CHCHD6: variants seen among roughly 807,000 people sequenced by gnomAD.
CHCHD6 encodes MICOS complex subunit MIC25.
A neutral mutation model predicts 32.3 loss-of-function variants in CHCHD6; 28 were observed. The ratio of observed to expected loss-of-function variants is 0.87; its 90% CI spans 0.64 to 1.19. The LOEUF (loss-of-function observed/expected upper bound fraction) is 1.19. Ranked by LOEUF, CHCHD6 falls within the 50% of genes most tolerant of loss-of-function variation. The pLI is 0.00. For synonymous variants in CHCHD6, 122 were observed against 117.5 expected (o/e 1.04, Z -0.25); for missense variants, 333 against 307.0 (o/e 1.08, Z -0.63).
chr3:126,834,803 G>A (rs1940788205), intron 4 of CHCHD6, among the ~76,000 whole-genome samples: 1 of 152,182 alleles, frequency 6.6e-6, no homozygotes, highest in Non-Finnish European at 1.5e-5. Flanking sequence ...TCCAACACGG[G>A]ATTTAATAGG....
intron 6 of CHCHD6, among the ~76,000 whole-genome samples, chr3:126,923,166 G>C (rs2078277500): frequency 6.6e-6 from 1 of 152,178 alleles, no homozygotes; most frequent in South Asian, 2.1e-4. Context: ...TGACATCCCT[G>C]GGCCAGATGA....
intron 1 of CHCHD6, among the ~76,000 whole-genome samples, chr3:126,721,442 G>A (rs1487914009): frequency 6.6e-6 from 1 of 152,126 alleles, no homozygotes; most frequent in Non-Finnish European, 1.5e-5. Flanking sequence ...CTAAGTCTGC[G>A]CCTGCCTTAG....
chr3:126,864,700 AT>A, intron 5 of CHCHD6, among the ~76,000 whole-genome samples: 1 of 126,446 alleles, frequency 7.9e-6, no homozygotes, highest in Non-Finnish European at 1.7e-5. Context: ...CTCCACCATC[AT>A]CTCCTCTTCC....
At chr3:126,915,893 T>A (rs985366754) in intron 6 of CHCHD6, among the ~76,000 whole-genome samples, 1 of 152,056 alleles carries the variant, frequency 6.6e-6, no homozygotes, top group Non-Finnish European at 1.5e-5. Context: ...TGGGCTTAGG[T>A]GATCCTCCTA....
intron 4 of CHCHD6, among the ~76,000 whole-genome samples, chr3:126,777,001 G>A (rs975026672): frequency 2.0e-5 from 3 of 152,010 alleles, no homozygotes; most frequent in Admixed American, 6.6e-5. Flanking sequence ...CCTCCCTGCC[G>A]CTCTATGCCT....
At chr3:126,865,187 T>TTTTCC (rs1559891234) in intron 5 of CHCHD6, among the ~76,000 whole-genome samples, 28 of 41,922 alleles carry the variant, frequency 6.7e-4, no homozygotes, top group Non-Finnish European at 1.5e-3. Flanking sequence ...CCTCCTCCAC[T>TTTTCC]ACCACCTCCA....
intron 5 of CHCHD6, among the ~76,000 whole-genome samples, chr3:126,902,363 G>C (rs2077940532): frequency 6.6e-6 from 1 of 152,172 alleles, no homozygotes; most frequent in African/African-American, 2.4e-5. Context: ...ATATATGAAG[G>C]ATAAAAGGAC....
rs2078344917 is a variant in CHCHD6, at chr3:126,927,706, C to A, written c.566+12956C>A. 2.0e-5 allele frequency among the ~76,000 whole-genome samples: 3 copies of A among 152,160 alleles called. No homozygotes were observed. The South Asian group carries it at 6.2e-4, about 32-fold the overall frequency. On this transcript the variant is annotated intron_variant, in intron 6 of 7. Transcript: ENST00000290913. ...TTCTCCTTTGTGTCACTTTTGTTTT[C>A]TTTTGAGTGTTACATTTAGATTAGC...
At chr3:126,865,227 A>C (rs1576524323) in intron 5 of CHCHD6, among the ~76,000 whole-genome samples, 1 of 135,728 alleles carries the variant, frequency 7.4e-6, no homozygotes, top group Non-Finnish European at 1.6e-5. Context: ...CTCCACCACC[A>C]CCTCCATTTC....
At chr3:126,815,703 C>T (rs1939867332) in intron 4 of CHCHD6, among the ~76,000 whole-genome samples, 1 of 151,224 alleles carries the variant, frequency 6.6e-6, no homozygotes, top group Non-Finnish European at 1.5e-5. Flanking sequence ...CTACCTACCA[C>T]CAGAATTATC....
rs144781819 is a variant in CHCHD6, at chr3:126,768,528, A to G, written c.411+35306A>G. Among the ~76,000 whole-genome samples the G allele has an allele frequency of 2.9e-3, 443 of 152,334 alleles. 2 individuals carry two copies. The highest frequency in any genetic ancestry group is 0.01 in the African/African-American group (424 of 41,574). Reference sequence around the variant, plus strand: ...TAGCTGTGCAAGAACGGACTAATACAATATGCATGTGTGTGTCTTTATGGC... The same window carrying G: ...TAGCTGTGCAAGAACGGACTAATACGATATGCATGTGTGTGTCTTTATGGC... On this transcript the variant is annotated intron_variant, in intron 4 of 7. Transcript: ENST00000290913.
At chr3:126,910,880 C>G (rs9856844) in intron 5 of CHCHD6, among the ~76,000 whole-genome samples, 18,352 of 152,072 alleles carry the variant, frequency 0.12, 1,267 homozygotes, top group South Asian at 0.28. Context: ...TGTGTGCTCA[C>G]TCACACATGT....
At chr3:126,939,811 T>A (rs945808155) in intron 6 of CHCHD6, among the ~76,000 whole-genome samples, 4 of 152,202 alleles carry the variant, frequency 2.6e-5, no homozygotes, top group African/African-American at 9.7e-5. Context: ...TATTCTCCCC[T>A]TCTCAGTCAA....
chr3:126,868,981 C>T (rs949866722), intron 5 of CHCHD6, among the ~76,000 whole-genome samples: 1 of 152,200 alleles, frequency 6.6e-6, no homozygotes. Flanking sequence ...GTCTCATGAG[C>T]TTTCATCAGC....
At chr3:126,876,375 G>A (rs1392956753) in intron 5 of CHCHD6, among the ~76,000 whole-genome samples, 1 of 152,218 alleles carries the variant, frequency 6.6e-6, no homozygotes, top group African/African-American at 2.4e-5. Flanking sequence ...GAAGAAACGG[G>A]CCTCCATTGC....
chr3:126,729,090 A>G (rs1420466479), intron 2 of CHCHD6, among the ~76,000 whole-genome samples: 1 of 152,250 alleles, frequency 6.6e-6, no homozygotes, highest in Non-Finnish European at 1.5e-5. Context: ...AGTACAATAG[A>G]AGATAGATTT....
At chr3:126,743,104 G>A (rs1936347722) in intron 4 of CHCHD6, among the ~76,000 whole-genome samples, 1 of 152,122 alleles carries the variant, frequency 6.6e-6, no homozygotes, top group African/African-American at 2.4e-5. Flanking sequence ...TGAACCCTAT[G>A]GGGAGCTTGT....
chr3:126,867,019 A>G (rs1304351503), intron 5 of CHCHD6, among the ~76,000 whole-genome samples: 3 of 152,178 alleles, frequency 2.0e-5, no homozygotes, highest in Non-Finnish European at 4.4e-5. Context: ...GTTCTTAGGC[A>G]TTAAGCCTGT....
At chr3:126,844,302 T>C (rs964190521) in intron 4 of CHCHD6, among the ~76,000 whole-genome samples, 2 of 152,224 alleles carry the variant, frequency 1.3e-5, no homozygotes, top group African/African-American at 2.4e-5. Flanking sequence ...TATCAATATT[T>C]TGAGAGCAGA....
Sources: gnomAD v4.1 joint callset for allele counts (sites outside exome capture counted in the v4.1 genomes callset) on GRCh38, gnomAD v4.1.1 for gene constraint, MANE v1.5 for transcripts, NCBI Gene and HGNC (gene_info 2026-07-23, HGNC 2026-07-21) for gene names.